The following ARID4B variants were observed in gnomAD, a reference collection of about 807,000 sequenced individuals.
The protein encoded by ARID4B is AT-rich interactive domain-containing protein 4B.
Under a neutral mutation model 147.5 loss-of-function variants are expected in ARID4B, and 26 were observed. That is an observed-to-expected ratio of 0.18 (90% CI 0.13 to 0.24). ARID4B has a LOEUF of 0.24. Among genes scored for constraint, ARID4B ranks in the 10% least tolerant of loss-of-function variants. The pLI is 1.00. For synonymous variants in ARID4B, 512 were observed against 507.9 expected, an observed-to-expected ratio of 1.01 and a Z score of -0.11; for missense variants, 1,179 against 1,511.5, an observed-to-expected ratio of 0.78 and a Z score of 3.65.
In ARID4B at chr1:235,305,095, T is replaced by C. The variant is rs185254758; in HGVS notation, c.6+21819A>G. On this transcript the variant is annotated intron_variant, in intron 2 of 23. Coordinates refer to ENST00000264183, the MANE Select transcript of ARID4B (RefSeq NM_016374.6). ...GAAAGGGGGAGATTAGCTTGTATTATCTGGGTGAGCCCTATTTAATATAAA... is the reference window on the plus strand; with the variant it reads ...GAAAGGGGGAGATTAGCTTGTATTACCTGGGTGAGCCCTATTTAATATAAA... Among the ~76,000 whole-genome samples the C allele has an allele frequency of 5.8e-4, 89 of 152,304 alleles. No homozygotes were observed. In the South Asian group the frequency reaches 0.011, roughly 19 times the overall value.
chr1:235,181,006 C>T, intron 20 of ARID4B: 1 of 517,572 alleles, frequency 1.9e-6, no homozygotes, highest in Non-Finnish European at 2.5e-6. Flanking sequence ...TATTAACGTA[C>T]ACATTGGTCC....
chr1:235,176,545 T>C (rs1158490013), intron 21 of ARID4B, among the ~76,000 whole-genome samples: 5 of 151,060 alleles, frequency 3.3e-5, no homozygotes, highest in South Asian at 2.1e-4. Context: ...CTGTGAAATT[T>C]TGGGAATAAA....
chr1:235,222,977 C>T (rs1667571487), intron 13 of ARID4B, among the ~76,000 whole-genome samples, 189 bp downstream of exon 13: 1 of 152,052 alleles, frequency 6.6e-6, no homozygotes, highest in Non-Finnish European at 1.5e-5. Flanking sequence ...GCCACCATGC[C>T]TGGCCTAAAA....
At chr1:235,208,602 G>A (rs952352205) in intron 17 of ARID4B, among the ~76,000 whole-genome samples, 6 of 151,864 alleles carry the variant, frequency 4.0e-5, no homozygotes, top group African/African-American at 1.4e-4. Flanking sequence ...TCCCAGGTTC[G>A]AGCGATTCTC....
chr1:235,236,606 C>T (rs188971663), intron 8 of ARID4B, among the ~76,000 whole-genome samples: 11 of 150,392 alleles, frequency 7.3e-5, no homozygotes, highest in Admixed American at 1.3e-4. Context: ...CTCCACCTCC[C>T]GTGTTCAAGC....
At chr1:235,177,503 T>C (rs1044818031) in intron 21 of ARID4B, 5 of 200,284 alleles carry the variant, frequency 2.5e-5, no homozygotes, top group Non-Finnish European at 5.0e-5. Context: ...TACTTTAAGT[T>C]CTAGGGTACG....
intron 10 of ARID4B, 96 bp from the exon 11 acceptor site, chr1:235,229,481 CT>C (rs2103045072): frequency 2.4e-6 from 2 of 822,196 alleles, no homozygotes; most frequent in Non-Finnish European, 3.9e-6. Flanking sequence ...AACTACTGTG[CT>C]AATACCACTG....
intron 2 of ARID4B, among the ~76,000 whole-genome samples, chr1:235,279,909 T>C (rs1671558864): frequency 6.6e-6 from 1 of 152,228 alleles, no homozygotes; most frequent in Non-Finnish European, 1.5e-5. Flanking sequence ...ATTATGTGTG[T>C]CTTGTGTAAC....
chr1:235,323,541 T>G (rs137895070), intron 2 of ARID4B, among the ~76,000 whole-genome samples: 6,070 of 152,040 alleles, frequency 0.04, 460 homozygotes, highest in African/African-American at 0.14. Flanking sequence ...TCCCAGCACT[T>G]TGGGAGGCCG....
intron 17 of ARID4B, among the ~76,000 whole-genome samples, chr1:235,210,772 T>G (rs1285791610): frequency 6.6e-6 from 1 of 152,204 alleles, no homozygotes; most frequent in African/African-American, 2.4e-5. Context: ...AAGCATGTCT[T>G]GTTGAACTAG....
chr1:235,202,476 T>C (rs1456529649), intron 17 of ARID4B, among the ~76,000 whole-genome samples: 1 of 150,644 alleles, frequency 6.6e-6, no homozygotes, highest in East Asian at 1.9e-4. Context: ...AAATAACATA[T>C]GCATGATAAA....
intron 23 of ARID4B, among the ~76,000 whole-genome samples, chr1:235,172,159 T>G (rs1166540761): frequency 6.6e-6 from 1 of 152,218 alleles, no homozygotes; most frequent in African/African-American, 2.4e-5. Context: ...TTTTTTTATT[T>G]GAGATAATTT....
At chr1:235,185,477 G>T (rs867782793) in intron 19 of ARID4B, among the ~76,000 whole-genome samples, 6 of 152,178 alleles carry the variant, frequency 3.9e-5, no homozygotes, top group African/African-American at 1.4e-4. Context: ...CATCTGGGTG[G>T]TATCTCTCTG....
At chr1:235,208,313 G>C (rs532388219) in intron 17 of ARID4B, among the ~76,000 whole-genome samples, 1 of 152,166 alleles carries the variant, frequency 6.6e-6, no homozygotes, top group African/African-American at 2.4e-5. Flanking sequence ...TTAGAAACTT[G>C]AGAGTGAAAG....
At chr1:235,197,531 T>G (rs905509473) in intron 17 of ARID4B, among the ~76,000 whole-genome samples, 1 of 152,184 alleles carries the variant, frequency 6.6e-6, no homozygotes, top group East Asian at 1.9e-4. Flanking sequence ...GGGTTCTGTT[T>G]ATATGCTGGA....
At chr1:235,318,644 G>A (rs1175740971) in intron 2 of ARID4B, among the ~76,000 whole-genome samples, 1 of 152,118 alleles carries the variant, frequency 6.6e-6, no homozygotes, top group African/African-American at 2.4e-5. Context: ...CACTTTGGGG[G>A]CCAATGCAAG....
At chr1:235,216,696 G>T (rs2103015678) in intron 16 of ARID4B, among the ~76,000 whole-genome samples, 1 of 152,118 alleles carries the variant, frequency 6.6e-6, no homozygotes, top group South Asian at 2.1e-4. Context: ...TTATAAAAAA[G>T]TAATTTTATT....
chr1:235,302,444 A>G (rs1673249869), intron 2 of ARID4B, among the ~76,000 whole-genome samples: 1 of 152,172 alleles, frequency 6.6e-6, no homozygotes, highest in African/African-American at 2.4e-5. Flanking sequence ...TCAAAGATAT[A>G]GTATTAAAAA....
At chr1:235,195,332 C>G (rs935122292) in intron 18 of ARID4B, among the ~76,000 whole-genome samples, 2 of 152,122 alleles carry the variant, frequency 1.3e-5, no homozygotes, top group African/African-American at 4.8e-5. Flanking sequence ...GTGGCTCACA[C>G]CTATAATCCC....
Sources: allele counts gnomAD v4.1 joint callset (sites outside exome capture counted in the v4.1 genomes callset), GRCh38; gene constraint gnomAD v4.1.1; transcripts MANE v1.5; gene names NCBI Gene and HGNC (gene_info 2026-07-23, HGNC 2026-07-21).